Variants in INSC observed in about 807,000 individuals in gnomAD.
INSC encodes protein inscuteable homolog.
In INSC, 67 loss-of-function variants were observed where a neutral mutation model predicts 58.6. The ratio of observed to expected loss-of-function variants is 1.14; its 90% CI spans 0.94 to 1.40. The LOEUF is 1.40. INSC is among the 40% of genes most tolerant of loss of function. The pLI is 0.00. For missense variants in INSC, 714 were observed against 692.0 expected, an observed-to-expected ratio of 1.03 and a Z score of -0.36; for synonymous variants, 262 against 276.1, an observed-to-expected ratio of 0.95 and a Z score of 0.51.
chr11:15,252,996 A>G, the INSC span, among the ~76,000 whole-genome samples: 1 of 151,436 alleles, frequency 6.6e-6, no homozygotes, highest in South Asian at 2.1e-4. Flanking sequence ...AAACAAACCC[A>G]CTCCTTTTCC....
upstream of INSC, among the ~76,000 whole-genome samples, chr11:15,113,455 G>A (rs1847623084): frequency 6.6e-6 from 1 of 152,076 alleles, no homozygotes; most frequent in Admixed American, 6.6e-5. Context: ...CACCACTCCC[G>A]GCTGAGACTA....
intron 1 of INSC, among the ~76,000 whole-genome samples, chr11:15,137,925 C>T (rs1252379500): frequency 6.6e-6 from 1 of 152,162 alleles, no homozygotes; most frequent in African/African-American, 2.4e-5. Flanking sequence ...GACATGCTGT[C>T]CTCACTAAGC....
intron 4 of INSC, among the ~76,000 whole-genome samples, chr11:15,177,781 G>T (rs1391463828): frequency 6.6e-6 from 1 of 152,168 alleles, no homozygotes; most frequent in Non-Finnish European, 1.5e-5. Context: ...GAGGTCTTTT[G>T]CTTTCCTGGG....
Position 15,198,262 on chromosome 11 carries a change from C to T in INSC, c.694-2562C>T, listed in dbSNP as rs187184043. ...GCTCAGACATATAGCTATTGTAGCC[C>T]ATTTTTAGCCAAACTTAACCAGCAG... is the stretch of plus-strand genomic sequence containing the variant. On this transcript the variant is annotated intron_variant, in intron 6 of 12. Transcript: ENST00000379556. Among the ~76,000 whole-genome samples, 114 of 152,276 alleles carry T rather than the reference C, an allele frequency of 7.5e-4. 1 individual carries two copies. Among genetic ancestry groups the T allele is most frequent in the African/African-American group, 2.4e-3 (101 of 41,546 alleles).
intron 9 of INSC, chr11:15,235,139 G>A (rs1852072966): frequency 9.4e-6 from 2 of 211,710 alleles, no homozygotes; most frequent in Admixed American, 5.0e-5. Context: ...TTCATCACAG[G>A]TTGAAAGTAG....
At chr11:15,122,071 C>T (rs1331162431) in intron 1 of INSC, among the ~76,000 whole-genome samples, 1 of 152,170 alleles carries the variant, frequency 6.6e-6, no homozygotes, top group East Asian at 1.9e-4. Context: ...TACCTGTGCT[C>T]CTTGTGATTG....
chr11:15,239,123 G>C, intron 11 of INSC, 49 bp downstream of exon 11: 1 of 1,571,658 alleles, frequency 6.4e-7, no homozygotes, highest in South Asian at 1.2e-5. Context: ...GGGTATTGGG[G>C]GTGGGAGCAG....
At chr11:15,183,565 C>T (rs1475467867) in intron 5 of INSC, among the ~76,000 whole-genome samples, 2 of 151,942 alleles carry the variant, frequency 1.3e-5, no homozygotes, top group Non-Finnish European at 2.9e-5. Flanking sequence ...TCTCCTTAGA[C>T]CAAAGCAAAG....
At chr11:15,166,505 A>G (rs1849201621) in intron 2 of INSC, among the ~76,000 whole-genome samples, 1 of 152,208 alleles carries the variant, frequency 6.6e-6, no homozygotes, top group Admixed American at 6.5e-5. Context: ...TCCTAGCCAA[A>G]GACAAAATCC....
intron 2 of INSC, among the ~76,000 whole-genome samples, chr11:15,164,550 C>T (rs1355597519): frequency 6.6e-6 from 1 of 152,078 alleles, no homozygotes; most frequent in Non-Finnish European, 1.5e-5. Flanking sequence ...CATAAAACAC[C>T]CTATACTCAG....
intron 5 of INSC, among the ~76,000 whole-genome samples, chr11:15,182,451 C>G (rs1849814041): frequency 6.6e-6 from 1 of 152,164 alleles, no homozygotes; most frequent in South Asian, 2.1e-4. Context: ...AATTGTGGTA[C>G]TATGTTTACC....
intron 9 of INSC, among the ~76,000 whole-genome samples, chr11:15,229,715 A>C (rs879066983): frequency 6.6e-6 from 1 of 151,244 alleles, no homozygotes; most frequent in Admixed American, 6.6e-5. Context: ...AAGCTTTGGA[A>C]CAGGAAGGTA....
At chr11:15,175,146 C>T (rs371968045) in intron 2 of INSC, among the ~76,000 whole-genome samples, 7 of 152,162 alleles carry the variant, frequency 4.6e-5, no homozygotes, top group African/African-American at 1.4e-4. Flanking sequence ...TCCTTAAGAG[C>T]CTTTAGCATT....
At chr11:15,157,195 A>G (rs528609401) in intron 2 of INSC, among the ~76,000 whole-genome samples, 5 of 152,254 alleles carry the variant, frequency 3.3e-5, no homozygotes, top group Non-Finnish European at 5.9e-5. Flanking sequence ...AGGCAAGGGG[A>G]CAATCTTAAT....
rs542014919 is a variant in INSC, at chr11:15,222,728, C to A, written c.991+1080C>A. ...CTGCAAGTACTTTGCACATAGAAGA[C>A]ATCAGTTAAGTTGAGTTTATGGCTG... On this transcript the variant is annotated intron_variant, in intron 8 of 12. Transcript: ENST00000379556. Among the ~76,000 whole-genome samples the A allele has an allele frequency of 2.0e-5, 3 of 152,314 alleles. No individual in the cohort carries two copies. In the South Asian group the frequency reaches 6.2e-4, roughly 32 times the overall value.
At chr11:15,200,471 T>TG (rs2133882279) in intron 6 of INSC, among the ~76,000 whole-genome samples, 3 of 152,136 alleles carry the variant, frequency 2.0e-5, no homozygotes, top group East Asian at 3.9e-4. Flanking sequence ...GCCTGCTCTA[T>TG]GGGAGGCTGC....
rs753182550 is a variant in INSC at position 15,176,006 on chromosome 11, G to A, written c.322G>A (p.Val108Met). The A allele has an allele frequency of 3.1e-6, 5 of 1,600,114 alleles. No individual in the cohort carries two copies. Among genetic ancestry groups the A allele is most frequent in the South Asian group, 1.1e-5 (1 of 89,286 alleles). The stretch of plus-strand genomic sequence containing the variant: ...CTGGGCACGGGTGCACAGCATGAGC[G>A]TGCGTCTGACCTGCCATGCCCGCTC... ...DRWARVHSMS[V>M]RLTCHARSMV... is the part of the protein sequence containing the mutation. Residue 108 changes from valine (V) to methionine (M), a missense_variant, in exon 3 of 13, where the codon GTG becomes ATG. Val to Met is a conservative substitution (Grantham distance 21). Coordinates refer to ENST00000379556, the MANE Select transcript of INSC (RefSeq NM_001042536.3).
At chr11:15,177,356 G>A (rs1438019615) in intron 4 of INSC, among the ~76,000 whole-genome samples, 193 bp downstream of exon 4, 1 of 152,124 alleles carries the variant, frequency 6.6e-6, no homozygotes, top group Non-Finnish European at 1.5e-5. Context: ...AGGCCCTAGG[G>A]ATAGGGTAAA....
chr11:15,249,269 A>T (rs1390413566), downstream of INSC, among the ~76,000 whole-genome samples: 3 of 152,240 alleles, frequency 2.0e-5, no homozygotes, highest in Non-Finnish European at 2.9e-5. Context: ...GCACAGGTAG[A>T]AAAGTCTACA....
Sources: allele counts gnomAD v4.1 joint callset (sites outside exome capture counted in the v4.1 genomes callset), GRCh38; gene constraint gnomAD v4.1.1; transcripts MANE v1.5; gene names NCBI Gene and HGNC (gene_info 2026-07-23, HGNC 2026-07-21).